The following NKAIN2 variants were observed in gnomAD, a reference collection of about 807,000 sequenced individuals.
NKAIN2 encodes the protein sodium/potassium transporting ATPase interacting 2.
NKAIN2 carries 14 observed loss-of-function variants against 32.6 expected under a neutral mutation model. The observed-to-expected ratio is 0.43, with a 90% CI of 0.28 to 0.67. The LOEUF (loss-of-function observed/expected upper bound fraction) is 0.67. Ranked by LOEUF, NKAIN2 falls within the 30% of genes least tolerant of loss-of-function variation. The pLI is 0.17. For synonymous variants in NKAIN2, 80 were observed against 87.2 expected (o/e 0.92, Z 0.46); for missense variants, 198 against 258.3 (o/e 0.77, Z 1.60).
At chr6:124,694,597 C>T (rs1327902608) in intron 4 of NKAIN2, among the ~76,000 whole-genome samples, 1 of 152,182 alleles carries the variant, frequency 6.6e-6, no homozygotes, top group Non-Finnish European at 1.5e-5. Context: ...CCAGCAGCTG[C>T]TCTTGAACAA....
chr6:124,652,633 C>T (rs1784405342), intron 3 of NKAIN2, among the ~76,000 whole-genome samples: 1 of 152,074 alleles, frequency 6.6e-6, no homozygotes, highest in Non-Finnish European at 1.5e-5. Context: ...GGAGGCTGGG[C>T]ACTCTAAAAT....
At chr6:124,324,237 G>T (rs189581891) in intron 2 of NKAIN2, among the ~76,000 whole-genome samples, 36 of 152,202 alleles carry the variant, frequency 2.4e-4, no homozygotes, top group African/African-American at 7.5e-4. Context: ...TTTAATCCAT[G>T]AACATGGTAT....
intron 3 of NKAIN2, among the ~76,000 whole-genome samples, chr6:124,399,403 C>T (rs1773533102): frequency 6.6e-6 from 1 of 152,174 alleles, no homozygotes; most frequent in Non-Finnish European, 1.5e-5. Flanking sequence ...AGATTATCTT[C>T]CTCTGTGGCC....
intron 2 of NKAIN2, among the ~76,000 whole-genome samples, chr6:124,314,154 C>T (rs979086511): frequency 6.6e-6 from 1 of 152,042 alleles, no homozygotes; most frequent in Non-Finnish European, 1.5e-5. Context: ...GAAGTGCTTT[C>T]TGCTTGTCTT....
At chr6:124,220,111 G>C (rs1256994390) in intron 1 of NKAIN2, among the ~76,000 whole-genome samples, 2 of 152,128 alleles carry the variant, frequency 1.3e-5, no homozygotes, top group Non-Finnish European at 2.9e-5. Flanking sequence ...CTGGAGGGAG[G>C]TTATTAGATC....
intron 1 of NKAIN2, among the ~76,000 whole-genome samples, chr6:123,991,424 A>T (rs958062676): frequency 1.3e-5 from 2 of 151,982 alleles, no homozygotes; most frequent in African/African-American, 2.4e-5. Context: ...GAGGAAAAAA[A>T]GTTTGGAAGG....
intron 6 of NKAIN2, among the ~76,000 whole-genome samples, chr6:124,822,630 G>C (rs1482420216): frequency 2.0e-5 from 3 of 152,122 alleles, no homozygotes; most frequent in African/African-American, 7.2e-5. Flanking sequence ...TAATTTTTCA[G>C]ATGATGTATA....
At chr6:124,697,705 T>A (rs554516100) in intron 4 of NKAIN2, among the ~76,000 whole-genome samples, 185 of 152,344 alleles carry the variant, frequency 1.2e-3, no homozygotes, top group African/African-American at 4.4e-3. Flanking sequence ...TTTCAAATGC[T>A]ACATTTTATT....
chr6:124,811,953 T>A (rs990865247), intron 5 of NKAIN2, among the ~76,000 whole-genome samples: 1 of 151,906 alleles, frequency 6.6e-6, no homozygotes, highest in East Asian at 1.9e-4. Flanking sequence ...GAAAGTACAA[T>A]TTTTTTTCAC....
chr6:124,596,914 G>A, intron 3 of NKAIN2, among the ~76,000 whole-genome samples: 1 of 151,998 alleles, frequency 6.6e-6, no homozygotes, highest in East Asian at 1.9e-4. Context: ...GAGAGCTGAT[G>A]GTATAAATTC....
At chr6:124,778,149 C>T (rs1373326047) in intron 4 of NKAIN2, among the ~76,000 whole-genome samples, 1 of 152,066 alleles carries the variant, frequency 6.6e-6, no homozygotes, top group Non-Finnish European at 1.5e-5. Context: ...ACAGCTTGCT[C>T]TCCCCCTGAG....
chr6:124,739,243 T>C (rs759304902), intron 4 of NKAIN2, among the ~76,000 whole-genome samples: 9 of 151,870 alleles, frequency 5.9e-5, no homozygotes, highest in Non-Finnish European at 1.0e-4. Flanking sequence ...TAGGCCACAT[T>C]TGTTTAACAT....
intron 5 of NKAIN2, among the ~76,000 whole-genome samples, chr6:124,807,773 T>C (rs1780656951): frequency 6.6e-6 from 1 of 151,004 alleles, no homozygotes; most frequent in Non-Finnish European, 1.5e-5. Flanking sequence ...AAGAATCAAA[T>C]AGACACAATA....
chr6:123,812,636 CTT>C (rs1179413221), intron 1 of NKAIN2, among the ~76,000 whole-genome samples: 3 of 152,188 alleles, frequency 2.0e-5, no homozygotes, highest in Non-Finnish European at 4.4e-5. Context: ...TGCAGAAGCA[CTT>C]TCGTTTTAAG....
intron 1 of NKAIN2, among the ~76,000 whole-genome samples, chr6:123,886,227 T>C (rs1489183484): frequency 2.0e-5 from 3 of 152,098 alleles, no homozygotes; most frequent in African/African-American, 7.2e-5. Context: ...AAAGCTTTCA[T>C]ACTTTTTGAT....
chr6:124,119,395 T>C (rs1785767003), intron 1 of NKAIN2, among the ~76,000 whole-genome samples: 1 of 152,218 alleles, frequency 6.6e-6, no homozygotes, highest in South Asian at 2.1e-4. Context: ...AGCAAGTTTT[T>C]CTCACCTATT....
rs79520390 is a variant in NKAIN2 at position 124,450,161 on chromosome 6, G to A, written c.273+94814G>A. ...AAGTCAGTATTGTTTTCATCCTTTCGTGTTTATCCCCATTATCACATTTCT... is the reference window on the plus strand; with the variant it reads ...AAGTCAGTATTGTTTTCATCCTTTCATGTTTATCCCCATTATCACATTTCT... On this transcript the variant is annotated intron_variant, in intron 3 of 6. Coordinates refer to ENST00000368417, the MANE Select transcript of NKAIN2 (RefSeq NM_001040214.3). 4.3e-4 allele frequency among the ~76,000 whole-genome samples: 65 copies of A among 152,020 alleles called. 1 individual carries two copies. In the South Asian group the frequency reaches 0.012, roughly 28 times the overall value.
intron 4 of NKAIN2, among the ~76,000 whole-genome samples, chr6:124,727,431 C>A (rs879564913): frequency 6.6e-6 from 1 of 150,464 alleles, no homozygotes; most frequent in Non-Finnish European, 1.5e-5. Context: ...GAATTTTCAA[C>A]CCAGAATTTC....
intron 1 of NKAIN2, among the ~76,000 whole-genome samples, chr6:123,888,016 G>T (rs1773809596): frequency 6.6e-6 from 1 of 152,012 alleles, no homozygotes; most frequent in African/African-American, 2.4e-5. Context: ...AAGATTAAAT[G>T]ACCTAATATT....
Sources: allele counts gnomAD v4.1 joint callset (sites outside exome capture counted in the v4.1 genomes callset), GRCh38; gene constraint gnomAD v4.1.1; transcripts MANE v1.5; gene names NCBI Gene and HGNC (gene_info 2026-07-23, HGNC 2026-07-21).